SLC38A12: variants seen among roughly 807,000 people sequenced by gnomAD.
SLC38A12 encodes putative sodium-coupled neutral amino acid transporter 12.
the SLC38A12 span, among the ~76,000 whole-genome samples, chr17:74,807,316 G>A: frequency 2.6e-5 from 4 of 152,224 alleles, no homozygotes; most frequent in African/African-American, 9.6e-5. Flanking sequence ...GCTCCTTCAG[G>A]GCACGGGCTG....
the SLC38A12 span, chr17:74,838,937 G>C: frequency 2.0e-6 from 3 of 1,535,776 alleles, no homozygotes; most frequent in Non-Finnish European, 2.6e-6. Flanking sequence ...TGCCAGCCCA[G>C]CCTGGCCCAG....
At chr17:74,798,167 A>G in the SLC38A12 span, among the ~76,000 whole-genome samples, 19 of 152,288 alleles carry the variant, frequency 1.2e-4, no homozygotes, top group African/African-American at 4.6e-4. Flanking sequence ...GCATTTTTAA[A>G]AGGGCCTGCT....
At chr17:74,828,671 C>T in the SLC38A12 span, among the ~76,000 whole-genome samples, 29 of 152,286 alleles carry the variant, frequency 1.9e-4, no homozygotes, top group African/African-American at 6.5e-4. Flanking sequence ...GCCAGTGCCT[C>T]CCTCACCAGA....
At chr17:74,781,376 C>G in the SLC38A12 span, among the ~76,000 whole-genome samples, 4 of 152,112 alleles carry the variant, frequency 2.6e-5, no homozygotes, top group African/African-American at 9.7e-5. Context: ...CCTTGACTTC[C>G]TGGGCTCAGG....
chr17:74,780,488 A>G, the SLC38A12 span, among the ~76,000 whole-genome samples: 2 of 152,200 alleles, frequency 1.3e-5, no homozygotes, highest in Admixed American at 1.3e-4. Context: ...ACTGCAGTAG[A>G]GCCTATTCCT....
At chr17:74,805,136 G>T in the SLC38A12 span, among the ~76,000 whole-genome samples, 1 of 152,256 alleles carries the variant, frequency 6.6e-6, no homozygotes, top group South Asian at 2.1e-4. The surrounding 1 kb of genome is among the most constrained non-coding windows in gnomAD (Gnocchi z 5.0). Context: ...GCGCAGATCT[G>T]TCGAGGTAGT....
chr17:74,798,514 G>A, the SLC38A12 span, among the ~76,000 whole-genome samples: 1 of 152,164 alleles, frequency 6.6e-6, no homozygotes, highest in African/African-American at 2.4e-5. Flanking sequence ...TGTGCTTCCC[G>A]GCGCGGCTGA....
At chr17:74,785,677 A>G in the SLC38A12 span, 1 of 1,551,570 alleles carries the variant, frequency 6.4e-7, no homozygotes. Flanking sequence ...AAGCCCGAAC[A>G]TGAGGGCACT....
At chr17:74,787,738 A>G in the SLC38A12 span, among the ~76,000 whole-genome samples, 1 of 151,862 alleles carries the variant, frequency 6.6e-6, no homozygotes, top group South Asian at 2.1e-4. Flanking sequence ...CCACTTCTGT[A>G]TCCTCCGTTA....
the SLC38A12 span, among the ~76,000 whole-genome samples, chr17:74,823,845 C>T: frequency 2.0e-5 from 3 of 152,250 alleles, no homozygotes; most frequent in Non-Finnish European, 4.4e-5. Context: ...GTGGGACAGG[C>T]GGCATTTACT....
the SLC38A12 span, among the ~76,000 whole-genome samples, chr17:74,809,260 G>C: frequency 6.6e-6 from 1 of 152,178 alleles, no homozygotes; most frequent in African/African-American, 2.4e-5. Context: ...GAAGGGACCT[G>C]GGGAGGTTTT....
At chr17:74,837,482 G>A in the SLC38A12 span, 2 of 985,368 alleles carry the variant, frequency 2.0e-6, no homozygotes, top group Non-Finnish European at 2.4e-6. Flanking sequence ...GCCTCCTACA[G>A]TGCAGGTGGT....
the SLC38A12 span, chr17:74,794,924 A>C: frequency 1.1e-4 from 116 of 1,055,534 alleles, no homozygotes; most frequent in Non-Finnish European, 1.5e-4. Context: ...TGGGAGAGGT[A>C]GAGATTTAGT....
the SLC38A12 span, among the ~76,000 whole-genome samples, chr17:74,823,724 C>A: frequency 6.6e-6 from 1 of 152,190 alleles, no homozygotes; most frequent in Admixed American, 6.5e-5. Flanking sequence ...CTGGCTCACC[C>A]CCAGGTGGCC....
the SLC38A12 span, among the ~76,000 whole-genome samples, chr17:74,779,513 A>T: frequency 6.6e-6 from 1 of 152,122 alleles, no homozygotes; most frequent in East Asian, 1.9e-4. Context: ...AGGGGAGAAG[A>T]CACCTTCTTC....
At chr17:74,816,360 G>T in the SLC38A12 span, among the ~76,000 whole-genome samples, 1 of 152,240 alleles carries the variant, frequency 6.6e-6, no homozygotes, top group Admixed American at 6.5e-5. Flanking sequence ...TGGAAGTCTG[G>T]AGCCTGGGCA....
chr17:74,828,463 A>G, the SLC38A12 span, among the ~76,000 whole-genome samples: 1 of 152,134 alleles, frequency 6.6e-6, no homozygotes, highest in African/African-American at 2.4e-5. Context: ...TAGTGGATGC[A>G]TGTCCTCATA....
At chr17:74,827,492 C>G in the SLC38A12 span, among the ~76,000 whole-genome samples, 1 of 152,200 alleles carries the variant, frequency 6.6e-6, no homozygotes, top group Non-Finnish European at 1.5e-5. The surrounding 1 kb of genome is among the most constrained non-coding windows in gnomAD (Gnocchi z 4.7). Context: ...GATGGGTTTT[C>G]TCCATGTTGG....
chr17:74,820,739 C>T, the SLC38A12 span, among the ~76,000 whole-genome samples: 1 of 152,252 alleles, frequency 6.6e-6, no homozygotes, highest in Non-Finnish European at 1.5e-5. Context: ...GGGGCTCCTC[C>T]TTCCTGACCA....
Sources: allele counts gnomAD v4.1 joint callset (sites outside exome capture counted in the v4.1 genomes callset), GRCh38; gene constraint gnomAD v4.1.1; non-coding constraint Gnocchi (gnomAD v3.1); transcripts MANE v1.5; gene names NCBI Gene and HGNC (gene_info 2026-07-23, HGNC 2026-07-21).